Variants in ZZEF1 observed in about 807,000 individuals in gnomAD.
ZZEF1 encodes zinc finger ZZ-type and EF-hand domain containing 1.
ZZEF1 carries 157 observed loss-of-function variants against 342.8 expected under a neutral mutation model. The observed-to-expected ratio is 0.46, with a 90% CI of 0.40 to 0.52. The LOEUF is 0.52. ZZEF1 is among the 20% of genes least tolerant of loss of function. The probability of loss-of-function intolerance (pLI) is 0.00; values close to 1 mark genes in which losing one functional copy is unlikely to be tolerated. For synonymous variants in ZZEF1, 1,505 were observed against 1,429.1 expected (o/e 1.05, Z -1.20); for missense variants, 3,480 against 3,725.6 (o/e 0.93, Z 1.72).
At chr17:4,106,256 C>CT (rs2058211404) in intron 6 of ZZEF1, among the ~76,000 whole-genome samples, 1 of 152,192 alleles carries the variant, frequency 6.6e-6, no homozygotes, top group Admixed American at 6.5e-5. Flanking sequence ...TAAACTATCC[C>CT]TTTTTGCCCA....
chr17:4,021,932 G>C (rs1237062425), intron 44 of ZZEF1, among the ~76,000 whole-genome samples: 1 of 149,720 alleles, frequency 6.7e-6, no homozygotes, highest in Non-Finnish European at 1.5e-5. Flanking sequence ...GAGTTTGGAG[G>C]GTTTTTTTTT....
Position 4,056,307 on chromosome 17 carries a change from T to C in ZZEF1, c.5204A>G (p.Gln1735Arg). Reference protein sequence around the residue: ...SEEDELADAKQNSEWMDECQD... With the variant: ...SEEDELADAKRNSEWMDECQD... Reference sequence around the variant, plus strand: ...ACACTCATCCATCCATTCTGAATTCTGCTTGGCATCAGCAAGCTCATCTTC... The same window carrying C: ...ACACTCATCCATCCATTCTGAATTCCGCTTGGCATCAGCAAGCTCATCTTC... Residue 1735 changes from glutamine (Q) to arginine (R), a missense_variant, in exon 33 of 55, where the codon CAG becomes CGG. Physicochemically the swap from Gln to Arg is conservative, Grantham distance 43. Coordinates refer to ENST00000381638, the MANE Select transcript of ZZEF1 (RefSeq NM_015113.4). 6.2e-7 allele frequency: 1 copy of C among 1,601,244 alleles called. No homozygotes were observed. Among genetic ancestry groups the C allele is most frequent in the Non-Finnish European group, 8.5e-7 (1 of 1,173,832 alleles).
intron 32 of ZZEF1, chr17:4,056,670 A>ATTATTATTATTATTTTATTATTTTATTAT (rs2057167317): frequency 1.5e-5 from 1 of 68,708 alleles, no homozygotes; most frequent in South Asian, 4.2e-4. Flanking sequence ...AAATAAAGTT[A>ATTATTATTATTATTTTATTATTTTATTAT]TTATTATTAT....
intron 21 of ZZEF1, among the ~76,000 whole-genome samples, 172 bp from the exon 22 acceptor site, chr17:4,075,601 C>G (rs1177777155): frequency 6.6e-6 from 1 of 152,230 alleles, no homozygotes; most frequent in African/African-American, 2.4e-5. Flanking sequence ...CACAGATCAA[C>G]ACACGTCCAC....
intron 1 of ZZEF1, among the ~76,000 whole-genome samples, chr17:4,142,267 G>A (rs2058868248): frequency 6.6e-6 from 1 of 152,106 alleles, no homozygotes; most frequent in South Asian, 2.1e-4. Context: ...AAGATCTCCA[G>A]AGTAGCGTCA....
At chr17:4,019,963 G>A (rs371748233) in intron 45 of ZZEF1, 194 bp from the exon 46 acceptor site, 4 of 472,202 alleles carry the variant, frequency 8.5e-6, no homozygotes, top group East Asian at 3.7e-5. Context: ...CCTACACTAC[G>A]ACTGTAACTT....
chr17:4,020,136 T>C (rs1349959824), intron 45 of ZZEF1: 1 of 173,160 alleles, frequency 5.8e-6, no homozygotes, highest in Non-Finnish European at 1.2e-5. Flanking sequence ...GTATTTTCTT[T>C]TGATTTTTTT....
intron 13 of ZZEF1, among the ~76,000 whole-genome samples, chr17:4,087,835 C>T (rs890616357): frequency 4.0e-5 from 6 of 149,018 alleles, no homozygotes; most frequent in Admixed American, 6.7e-5. Context: ...CATCCATGAA[C>T]GCTCCTGACT....
chr17:4,023,754 C>T (rs2056331510), intron 43 of ZZEF1, among the ~76,000 whole-genome samples: 2 of 151,836 alleles, frequency 1.3e-5, no homozygotes, highest in Non-Finnish European at 2.9e-5. Context: ...ACCCCTTAAA[C>T]CAAAGCATTT....
intron 52 of ZZEF1, among the ~76,000 whole-genome samples, chr17:4,012,147 G>A (rs961408133): frequency 6.6e-6 from 1 of 152,210 alleles, no homozygotes. Flanking sequence ...CACCAGCCAG[G>A]AGACCATGGA....
chr17:4,023,050 C>A (rs2056310235), intron 43 of ZZEF1, among the ~76,000 whole-genome samples: 1 of 152,168 alleles, frequency 6.6e-6, no homozygotes, highest in Non-Finnish European at 1.5e-5. Flanking sequence ...CTGACAAAGA[C>A]CTACAAGGTC....
In ZZEF1 at chr17:4,142,974, G is replaced by A. The variant is rs114582898; in HGVS notation, c.-79C>T. 12 of 1,270,272 alleles carry A rather than the reference G, an allele frequency of 9.4e-6. No individual in the cohort carries two copies. The African/African-American group carries it at 1.9e-4, about 20-fold the overall frequency. 78.7% of individuals were successfully genotyped at this position (1,270,272 alleles called of 1,614,324 possible). On this transcript the variant is annotated 5_prime_UTR_variant, in exon 1 of 55. Transcript: ENST00000381638. ...CTCGACCTGTCAACCTCCGACAGCA[G>A]CTGGCGGGCGGGGACGCGGAGGAGA... is the stretch of plus-strand genomic sequence containing the variant.
At chr17:4,104,561 T>C (rs2145447876) in intron 8 of ZZEF1, 72 bp downstream of exon 8, 4 of 1,532,510 alleles carry the variant, frequency 2.6e-6, no homozygotes, top group Non-Finnish European at 3.6e-6. Flanking sequence ...CAGGAGGTCA[T>C]ATGGCGAAGA....
chr17:4,099,186 T>C (rs2058086377), intron 9 of ZZEF1, among the ~76,000 whole-genome samples: 1 of 152,214 alleles, frequency 6.6e-6, no homozygotes, highest in Non-Finnish European at 1.5e-5. Context: ...TGTGCTTCCT[T>C]TTCTTGGTAA....
intron 6 of ZZEF1, among the ~76,000 whole-genome samples, chr17:4,106,498 G>C (rs2058215311): frequency 6.7e-6 from 1 of 149,982 alleles, no homozygotes; most frequent in South Asian, 2.1e-4. Flanking sequence ...AAAAACAAAA[G>C]AAAATTTTAT....
At chr17:4,048,773 G>A (rs1025637672) in intron 37 of ZZEF1, among the ~76,000 whole-genome samples, 1 of 152,060 alleles carries the variant, frequency 6.6e-6, no homozygotes, top group Non-Finnish European at 1.5e-5. Flanking sequence ...GAGTGCAGTG[G>A]CGCCATCTTG....
At chr17:4,110,160 T>C (rs982955805) in intron 5 of ZZEF1, among the ~76,000 whole-genome samples, 3 of 152,212 alleles carry the variant, frequency 2.0e-5, no homozygotes, top group African/African-American at 7.2e-5. Flanking sequence ...AAGAACATTT[T>C]AAAACAAGCC....
At chr17:4,020,133 CTT>C (rs2056230805) in intron 45 of ZZEF1, 2 of 175,676 alleles carry the variant, frequency 1.1e-5, no homozygotes, top group Non-Finnish European at 2.4e-5. Context: ...ACTGTATTTT[CTT>C]TTGATTTTTT....
At chr17:4,128,897 T>A (rs1361109387) in intron 1 of ZZEF1, among the ~76,000 whole-genome samples, 1 of 150,306 alleles carries the variant, frequency 6.7e-6, no homozygotes, top group Non-Finnish European at 1.5e-5. Flanking sequence ...GCCTCCCGAG[T>A]AGCTGGGATT....
Sources: allele counts gnomAD v4.1 joint callset (sites outside exome capture counted in the v4.1 genomes callset), GRCh38; gene constraint gnomAD v4.1.1; transcripts MANE v1.5; gene names NCBI Gene and HGNC (gene_info 2026-07-23, HGNC 2026-07-21).